The following LHFPL2 variants were observed in gnomAD, a reference collection of about 807,000 sequenced individuals.
LHFPL2 encodes LHFPL tetraspan subfamily member 2.
Under a neutral mutation model 17.5 loss-of-function variants are expected in LHFPL2, and 7 were observed. The ratio of observed to expected loss-of-function variants is 0.40; its 90% CI spans 0.23 to 0.75. The LOEUF is 0.75. LHFPL2 is among the 30% of genes least tolerant of loss of function. The pLI is 0.37. For synonymous variants in LHFPL2, 134 were observed against 116.2 expected (o/e 1.15, Z -0.99); for missense variants, 241 against 294.8 (o/e 0.82, Z 1.34).
At chr5:78,540,153 A>C (rs1006484638) in intron 3 of LHFPL2, among the ~76,000 whole-genome samples, 2 of 152,242 alleles carry the variant, frequency 1.3e-5, no homozygotes, top group African/African-American at 4.8e-5. Flanking sequence ...AATCAACAAA[A>C]TACATACTAT....
At chr5:78,533,325 T>G (rs1351486371) in intron 3 of LHFPL2, among the ~76,000 whole-genome samples, 1 of 152,230 alleles carries the variant, frequency 6.6e-6, no homozygotes, top group Non-Finnish European at 1.5e-5. Context: ...CTCTGTTCTA[T>G]CTATTAGGTA....
chr5:78,503,210 C>T (rs2112309277), intron 4 of LHFPL2, among the ~76,000 whole-genome samples: 1 of 152,302 alleles, frequency 6.6e-6, no homozygotes. Context: ...ATATTCAGGG[C>T]CATGCTTAAA....
At chr5:78,574,942 C>G (rs1049026828) in intron 2 of LHFPL2, among the ~76,000 whole-genome samples, 1 of 152,222 alleles carries the variant, frequency 6.6e-6, no homozygotes, top group South Asian at 2.1e-4. Context: ...GCTGTCAGAG[C>G]AGGAAGGACC....
intron 2 of LHFPL2, among the ~76,000 whole-genome samples, chr5:78,618,426 G>T (rs1744697393): frequency 6.6e-6 from 1 of 152,218 alleles, no homozygotes. Context: ...GTCGGTCACA[G>T]GCAGCATTCG....
At chr5:78,629,848 G>A (rs1745179637) in intron 2 of LHFPL2, among the ~76,000 whole-genome samples, 1 of 152,168 alleles carries the variant, frequency 6.6e-6, no homozygotes, top group African/African-American at 2.4e-5. Flanking sequence ...AAAAGCAGCT[G>A]TATTAAAAAT....
At chr5:78,511,048 ATTTT>A (rs1755105535) in intron 3 of LHFPL2, among the ~76,000 whole-genome samples, 1 of 151,946 alleles carries the variant, frequency 6.6e-6, no homozygotes, top group African/African-American at 2.4e-5. Context: ...TACTTTATCC[ATTTT>A]TCACAGGGTG....
intron 3 of LHFPL2, among the ~76,000 whole-genome samples, chr5:78,541,516 G>A (rs990058440): frequency 6.6e-6 from 1 of 152,182 alleles, no homozygotes; most frequent in African/African-American, 2.4e-5. Context: ...AAAACGCAAA[G>A]TCAGTCCCCG....
intron 3 of LHFPL2, among the ~76,000 whole-genome samples, chr5:78,517,810 T>C (rs1193798137): frequency 6.6e-6 from 1 of 152,208 alleles, no homozygotes; most frequent in Non-Finnish European, 1.5e-5. Context: ...CCAGCATCTA[T>C]AGCCAGAGAC....
Position 78,521,282 on chromosome 5 carries a change from T to G in LHFPL2, c.-185-10884A>C, listed in dbSNP as rs140467098. 6.5e-4 allele frequency among the ~76,000 whole-genome samples: 99 copies of G among 152,334 alleles called. 1 individual carries two copies. In the East Asian group the frequency reaches 0.018, roughly 27 times the overall value. On this transcript the variant is annotated intron_variant, in intron 3 of 4. Coordinates refer to ENST00000380345, the MANE Select transcript of LHFPL2 (RefSeq NM_005779.3). ...TTATTAAAATCAAGCAGTACAATTCTCTCATCAGTTATAAATGGCCCTAGA... is the reference window on the plus strand; with the variant it reads ...TTATTAAAATCAAGCAGTACAATTCGCTCATCAGTTATAAATGGCCCTAGA...
intron 3 of LHFPL2, among the ~76,000 whole-genome samples, chr5:78,558,858 T>A (rs1202696337): frequency 1.3e-5 from 2 of 152,284 alleles, no homozygotes; most frequent in Non-Finnish European, 2.9e-5. Context: ...CCAGAGCAGA[T>A]GACTTTTTTT....
rs1754298309 is a variant in LHFPL2, at chr5:78,487,834, A to G, written c.*1063T>C. 6.6e-6 allele frequency: 1 copy of G among 152,148 alleles called. No individual in the cohort carries two copies. The highest frequency in any genetic ancestry group is 1.5e-5 in the Non-Finnish European group (1 of 68,026). 9.4% of individuals were successfully genotyped at this position (152,148 alleles called of 1,614,324 possible). A position where few individuals can be genotyped will look rare whatever the true frequency, so the allele number is the denominator to read the frequency against. On this transcript the variant is annotated 3_prime_UTR_variant, in exon 5 of 5. Coordinates refer to ENST00000380345, the MANE Select transcript of LHFPL2 (RefSeq NM_005779.3). ...GTTATCTCAGTCTGCTTTCAGGATC[A>G]ACACCAGTAACTACAAAAACTTAAC...
At chr5:78,580,728 C>A (rs1488644394) in intron 2 of LHFPL2, among the ~76,000 whole-genome samples, 1 of 152,110 alleles carries the variant, frequency 6.6e-6, no homozygotes, top group African/African-American at 2.4e-5. Context: ...GTACCAGTAC[C>A]ATGCTGTTTT....
chr5:78,554,951 C>T (rs1756534582), intron 3 of LHFPL2, among the ~76,000 whole-genome samples: 1 of 152,126 alleles, frequency 6.6e-6, no homozygotes, highest in Non-Finnish European at 1.5e-5. Flanking sequence ...TCTTTGAATC[C>T]TTAGGAGACA....
intron 3 of LHFPL2, among the ~76,000 whole-genome samples, chr5:78,551,095 C>T (rs1165054176): frequency 2.0e-5 from 3 of 152,128 alleles, no homozygotes; most frequent in African/African-American, 7.2e-5. Context: ...TTTTTAAACC[C>T]TTTTCTTACA....
At chr5:78,578,968 C>T (rs949351913) in intron 2 of LHFPL2, among the ~76,000 whole-genome samples, 1 of 152,152 alleles carries the variant, frequency 6.6e-6, no homozygotes, top group Non-Finnish European at 1.5e-5. Context: ...AATCCAGTGG[C>T]AGAGAGAGCA....
intron 3 of LHFPL2, among the ~76,000 whole-genome samples, chr5:78,549,661 AG>A (rs1756383276): frequency 6.6e-6 from 1 of 152,238 alleles, no homozygotes; most frequent in Admixed American, 6.5e-5. Flanking sequence ...AAGTTTATAG[AG>A]GCGGAGGAAG....
chr5:78,504,785 CACG>C (rs889759489), intron 4 of LHFPL2, among the ~76,000 whole-genome samples: 4 of 152,208 alleles, frequency 2.6e-5, no homozygotes, highest in Admixed American at 6.5e-5. Context: ...GCGCCATTCC[CACG>C]ACCACACACC....
At chr5:78,636,690 G>A (rs75554175) in intron 1 of LHFPL2, among the ~76,000 whole-genome samples, 2,462 of 152,174 alleles carry the variant, frequency 0.016, 73 homozygotes, top group African/African-American at 0.056. Context: ...AATCACTATC[G>A]AGACATTCTT....
chr5:78,570,520 G>C (rs1756969690), intron 2 of LHFPL2, among the ~76,000 whole-genome samples: 1 of 151,822 alleles, frequency 6.6e-6, no homozygotes, highest in South Asian at 2.1e-4. Context: ...GAGTGATGAA[G>C]GAGAGTGACA....
Sources: gnomAD v4.1 joint callset for allele counts (sites outside exome capture counted in the v4.1 genomes callset) on GRCh38, gnomAD v4.1.1 for gene constraint, MANE v1.5 for transcripts, NCBI Gene and HGNC (gene_info 2026-07-23, HGNC 2026-07-21) for gene names.